Variants in COBLL1 observed in about 807,000 individuals in gnomAD.
COBLL1 encodes cordon-bleu protein-like 1.
A neutral mutation model predicts 94.8 loss-of-function variants in COBLL1; 50 were observed. The ratio of observed to expected loss-of-function variants is 0.53; its 90% CI spans 0.42 to 0.67. The LOEUF is 0.67. Among genes scored for constraint, COBLL1 ranks in the 30% least tolerant of loss-of-function variants. COBLL1 has a pLI of 0.00. For missense variants in COBLL1, 1,362 were observed against 1,348.7 expected, an observed-to-expected ratio of 1.01 and a Z score of -0.15; for synonymous variants, 448 against 473.8, an observed-to-expected ratio of 0.95 and a Z score of 0.71.
chr2:164,730,011 A>C lies in COBLL1; in HGVS notation c.335T>G (p.Phe112Cys). The change falls in exon 4 of 14, where the codon TTT (phenylalanine) becomes TGT (cysteine). Residue 112 changes from phenylalanine to cysteine, a missense_variant. Coordinates refer to ENST00000652658, the MANE Select transcript of COBLL1 (RefSeq NM_001365672.2). Reference sequence around the variant, plus strand: ...CATTCCTATTGGTGTGTTTGGCTTAAATTTAATGTGGTTCTGTTCAGCTGA... The same window carrying C: ...CATTCCTATTGGTGTGTTTGGCTTACATTTAATGTGGTTCTGTTCAGCTGA... The part of the protein sequence containing the change: ...LLSAEQNHIK[F>C]KPNTPIGMLE... 1 of 1,614,050 alleles carries C rather than the reference A, an allele frequency of 6.2e-7. No individual in the cohort carries two copies. Among genetic ancestry groups the C allele is most frequent in the Non-Finnish European group, 8.5e-7 (1 of 1,179,970 alleles).
chr2:164,694,326 C>T lies in COBLL1; in HGVS notation c.3066G>A (p.Gly1022=), dbSNP rs1248829796. ...LVQPPANTEE[G]KTHSVNKFVD... ...CAAATTTATTTACAGAATGAGTCTT[C>T]CCTTCCTCTGTGTTGGCTGGAGGTT... Residue 1022 remains glycine (G), a synonymous_variant, in exon 12 of 14, where the codon GGG becomes GGA. Coordinates refer to ENST00000652658, the MANE Select transcript of COBLL1 (RefSeq NM_001365672.2). 6.2e-7 allele frequency: 1 copy of T among 1,613,894 alleles called. No individual in the cohort carries two copies. The highest frequency in any genetic ancestry group is 1.3e-5 in the African/African-American group (1 of 75,000).
chr2:164,761,415 C>T (rs1040434412), intron 2 of COBLL1: 4 of 149,688 alleles, frequency 2.7e-5, no homozygotes, highest in Non-Finnish European at 4.4e-5. Flanking sequence ...AAGCTCGCAT[C>T]ATTGCACTCG....
chr2:164,797,099 CACA>C, intron 2 of COBLL1, among the ~76,000 whole-genome samples: 1 of 152,248 alleles, frequency 6.6e-6, no homozygotes, highest in East Asian at 1.9e-4. Context: ...TAATGCTATT[CACA>C]ACACTAGAAG....
intron 2 of COBLL1, among the ~76,000 whole-genome samples, chr2:164,790,662 A>T (rs1430742940): frequency 1.3e-5 from 2 of 152,214 alleles, no homozygotes; most frequent in East Asian, 3.8e-4. Flanking sequence ...GTCTGAAATT[A>T]AACAGCAACA....
chr2:164,694,906 A>T lies in COBLL1; in HGVS notation c.2486T>A (p.Met829Lys), dbSNP rs1450948358. ...MVSPLKPAPK[M>K]TRDTGTAPFA... ...AGGAGCTGTGCCAGTGTCTCTTGTC[A>T]TTTTGGGAGCAGGTTTCAGAGGACT... The change falls in exon 12 of 14, where the codon ATG becomes AAG. Residue 829 changes from methionine to lysine, a missense_variant. Transcript: ENST00000652658. 6.2e-7 allele frequency: 1 copy of T among 1,613,692 alleles called. No homozygotes were observed. Among genetic ancestry groups the T allele is most frequent in the Non-Finnish European group, 8.5e-7 (1 of 1,179,890 alleles).
intron 2 of COBLL1, among the ~76,000 whole-genome samples, chr2:164,776,695 G>T (rs78903164): frequency 0.013 from 1,989 of 151,876 alleles, 13 homozygotes; most frequent in African/African-American, 0.027. Context: ...ACAGGGACTG[G>T]GACTCGACAA....
At chr2:164,801,299 C>A (rs1356627547) in intron 2 of COBLL1, among the ~76,000 whole-genome samples, 2 of 150,624 alleles carry the variant, frequency 1.3e-5, no homozygotes, top group South Asian at 4.2e-4. Flanking sequence ...ATTAGCCGGG[C>A]GTGGTAGCGG....
intron 2 of COBLL1, among the ~76,000 whole-genome samples, chr2:164,784,416 T>C (rs191926847): frequency 4.6e-5 from 7 of 152,336 alleles, no homozygotes. Context: ...TTTGTAGATA[T>C]TTCTTTAGTC....
chr2:164,719,951 G>A (rs1178644760), intron 7 of COBLL1, among the ~76,000 whole-genome samples: 8 of 152,004 alleles, frequency 5.3e-5, no homozygotes, highest in Non-Finnish European at 5.9e-5. Context: ...AAAAATAGAA[G>A]AGGGCTGAGA....
intron 2 of COBLL1, among the ~76,000 whole-genome samples, chr2:164,788,033 T>C (rs2105290335): frequency 6.6e-6 from 1 of 152,276 alleles, no homozygotes; most frequent in Middle Eastern, 3.4e-3. Flanking sequence ...TTTCATACTT[T>C]TTGCACAGGT....
At position 164,681,034 on chromosome 2, in the gene COBLL1, G is replaced by A. The variant is rs1292526781; in HGVS notation, c.*4912C>T. The A allele has an allele frequency of 6.6e-6, 1 of 152,112 alleles. No individual in the cohort carries two copies. Among genetic ancestry groups the A allele is most frequent in the Non-Finnish European group, 1.5e-5 (1 of 68,024 alleles). 9.4% of individuals were successfully genotyped at this position (152,112 alleles called of 1,614,324 possible). On this transcript the variant is annotated 3_prime_UTR_variant, in exon 14 of 14. Transcript: ENST00000652658. ...AGAAAGTCTGAGGTGTATTTGTGTT[G>A]GATTTAGTAAGTCATCTGTGAGATT...
intron 2 of COBLL1, among the ~76,000 whole-genome samples, chr2:164,765,659 C>T (rs1687894411): frequency 6.6e-6 from 1 of 152,050 alleles, no homozygotes; most frequent in Admixed American, 6.6e-5. Flanking sequence ...TGAATACTCT[C>T]ACCTTTTGTG....
At chr2:164,798,437 A>G (rs1053064979) in intron 2 of COBLL1, among the ~76,000 whole-genome samples, 2 of 152,254 alleles carry the variant, frequency 1.3e-5, no homozygotes, top group Admixed American at 1.3e-4. Flanking sequence ...AAATTGTCAC[A>G]AAGAGATTAC....
intron 2 of COBLL1, among the ~76,000 whole-genome samples, chr2:164,799,019 CAAAAA>C (rs555113117): frequency 1.4e-5 from 1 of 69,832 alleles, no homozygotes; most frequent in African/African-American, 6.8e-5. Flanking sequence ...GACTCCGTCT[CAAAAA>C]AAAAAAAAAA....
chr2:164,708,769 T>C (rs1381588598), intron 7 of COBLL1, among the ~76,000 whole-genome samples: 2 of 152,244 alleles, frequency 1.3e-5, no homozygotes, highest in East Asian at 3.8e-4. Context: ...CAATAAGTGG[T>C]AGCTTAAAGC....
At position 164,682,394 on chromosome 2, in the gene COBLL1, G is replaced by C. The variant is rs1465459482; in HGVS notation, c.*3552C>G. The stretch of plus-strand genomic sequence containing the variant: ...TTGATACTTATTTTCTCTACTGGTA[G>C]TGGGTACAAAGTAAACTGGAATTAG... On this transcript the variant is annotated 3_prime_UTR_variant, in exon 14 of 14. Transcript: ENST00000652658. 6.6e-6 allele frequency: 1 copy of C among 152,190 alleles called. No individual in the cohort carries two copies. The highest frequency in any genetic ancestry group is 2.4e-5 in the African/African-American group (1 of 41,450). The allele number at this position is 152,190 out of a possible 1,614,324, so 9.4% of individuals were successfully genotyped here.
chr2:164,831,462 T>A (rs897790314), intron 2 of COBLL1, among the ~76,000 whole-genome samples: 1 of 151,850 alleles, frequency 6.6e-6, no homozygotes, highest in African/African-American at 2.4e-5. Context: ...TTAAATAATA[T>A]TTAAATATTC....
At chr2:164,763,316 T>TA (rs1196467869) in intron 2 of COBLL1, among the ~76,000 whole-genome samples, 1 of 152,022 alleles carries the variant, frequency 6.6e-6, no homozygotes, top group African/African-American at 2.4e-5. Flanking sequence ...GAAAAAAATG[T>TA]AAAAAATTTG....
intron 2 of COBLL1, among the ~76,000 whole-genome samples, chr2:164,750,487 T>C (rs1307150905): frequency 6.6e-6 from 1 of 152,196 alleles, no homozygotes. Context: ...AGCTCCCTGC[T>C]ACCACCCTGG....
Sources: gnomAD v4.1 joint callset for allele counts (sites outside exome capture counted in the v4.1 genomes callset) on GRCh38, gnomAD v4.1.1 for gene constraint, MANE v1.5 for transcripts, NCBI Gene and HGNC (gene_info 2026-07-23, HGNC 2026-07-21) for gene names.